WDR59: variants seen among roughly 807,000 people sequenced by gnomAD.
WDR59 encodes the protein GATOR2 complex protein WDR59.
Under a neutral mutation model 131.2 loss-of-function variants are expected in WDR59, and 100 were observed. The ratio of observed to expected loss-of-function variants is 0.76; its 90% CI spans 0.65 to 0.90. The LOEUF (loss-of-function observed/expected upper bound fraction) is 0.90. Among genes scored for constraint, WDR59 ranks in the 40% least tolerant of loss-of-function variants. The probability of loss-of-function intolerance (pLI) is 0.00; values close to 1 mark genes in which losing one functional copy is unlikely to be tolerated. For synonymous variants in WDR59, 601 were observed against 466.2 expected (o/e 1.29, Z -3.72); for missense variants, 1,203 against 1,262.2 (o/e 0.95, Z 0.71).
At chr16:74,917,196 A>G (rs1357849466) in intron 11 of WDR59, among the ~76,000 whole-genome samples, 1 of 152,242 alleles carries the variant, frequency 6.6e-6, no homozygotes, top group African/African-American at 2.4e-5. Flanking sequence ...TGTGTGGTTC[A>G]TGTAAGAAAC....
chr16:74,970,163 T>A (rs1042485759), intron 1 of WDR59, among the ~76,000 whole-genome samples: 2 of 152,096 alleles, frequency 1.3e-5, no homozygotes, highest in African/African-American at 4.8e-5. Context: ...TTCCCTATTG[T>A]TAATTTTTGT....
At chr16:74,917,418 T>A (rs1966444478) in intron 11 of WDR59, among the ~76,000 whole-genome samples, 1 of 152,218 alleles carries the variant, frequency 6.6e-6, no homozygotes, top group Non-Finnish European at 1.5e-5. Context: ...AGAGGCTCTC[T>A]GGCCTTAAAG....
At chr16:74,909,166 G>C (rs1416161574) in intron 16 of WDR59, among the ~76,000 whole-genome samples, 189 bp from the exon 17 acceptor site, 1 of 152,150 alleles carries the variant, frequency 6.6e-6, no homozygotes, top group Non-Finnish European at 1.5e-5. Context: ...GGATCCAGGA[G>C]AGAGGATGTA....
chr16:74,934,074 T>C (rs184368777), intron 8 of WDR59, among the ~76,000 whole-genome samples: 68 of 151,718 alleles, frequency 4.5e-4, no homozygotes, highest in African/African-American at 9.0e-4. Flanking sequence ...TTAGATATGC[T>C]TGTCATTCTG....
intron 18 of WDR59, among the ~76,000 whole-genome samples, chr16:74,897,142 C>T (rs1376198339): frequency 6.6e-6 from 1 of 152,240 alleles, no homozygotes; most frequent in Non-Finnish European, 1.5e-5. Context: ...TCCAGCTCCA[C>T]CCTTCTACGA....
chr16:74,906,843 C>G (rs148184182), intron 17 of WDR59, among the ~76,000 whole-genome samples: 15 of 152,150 alleles, frequency 9.9e-5, no homozygotes, highest in Admixed American at 3.9e-4. Flanking sequence ...TGCTGAAGGG[C>G]GGGGAAAAGG....
rs890997322 is a variant in WDR59 at position 74,912,421 on chromosome 16, A to T, written c.1225-59T>A. 1.9e-6 allele frequency: 3 copies of T among 1,560,406 alleles called. No individual in the cohort carries two copies. The African/African-American group carries it at 4.1e-5, about 21-fold the overall frequency. On this transcript the variant is annotated intron_variant, in intron 13 of 25. Transcript: ENST00000262144. ...CAAACCATAAAGCGTCTTTCGATGCAAGCACATTTAACTGAACGCTCCATG... is the reference window on the plus strand; with the variant it reads ...CAAACCATAAAGCGTCTTTCGATGCTAGCACATTTAACTGAACGCTCCATG...
chr16:74,977,239 CA>C (rs971630589), intron 1 of WDR59, among the ~76,000 whole-genome samples: 10 of 144,644 alleles, frequency 6.9e-5, no homozygotes, highest in Admixed American at 4.2e-4. Flanking sequence ...GATCGCATCT[CA>C]AAAAAAAAAT....
At chr16:74,912,828 G>C (rs1285895025) in intron 13 of WDR59, among the ~76,000 whole-genome samples, 1 of 152,196 alleles carries the variant, frequency 6.6e-6, no homozygotes, top group African/African-American at 2.4e-5. Flanking sequence ...TGAAATAAAG[G>C]GATGGGCTGT....
chr16:74,880,154 T>C (rs1341931231), intron 25 of WDR59, among the ~76,000 whole-genome samples: 1 of 152,064 alleles, frequency 6.6e-6, no homozygotes, highest in Non-Finnish European at 1.5e-5. Context: ...TCATTTAAAT[T>C]AGGTATGATA....
At chr16:74,917,828 AAAAAT>A in intron 11 of WDR59, 96 bp downstream of exon 11, 2 of 1,035,064 alleles carry the variant, frequency 1.9e-6, no homozygotes, top group Non-Finnish European at 2.8e-6. Flanking sequence ...AAAAAAAAAA[AAAAAT>A]TGTTTATCCT....
At chr16:74,983,160 CAA>C (rs1442938423) in intron 1 of WDR59, among the ~76,000 whole-genome samples, 3 of 151,878 alleles carry the variant, frequency 2.0e-5, no homozygotes, top group African/African-American at 7.3e-5. Flanking sequence ...CTGGGCAACA[CAA>C]AGAGACTCTG....
chr16:74,892,417 T>C (rs905290004), intron 20 of WDR59, 67 bp downstream of exon 20: 51 of 1,319,330 alleles, frequency 3.9e-5, no homozygotes, highest in Non-Finnish European at 5.5e-5. Flanking sequence ...TAAATGCCAA[T>C]GACAAAGTAA....
intron 10 of WDR59, among the ~76,000 whole-genome samples, chr16:74,921,631 T>G (rs1313872849): frequency 6.6e-6 from 1 of 152,236 alleles, no homozygotes; most frequent in Non-Finnish European, 1.5e-5. Flanking sequence ...CCTGGACTTC[T>G]GAGCCCAGAG....
chr16:74,979,920 C>T (rs1312638568), intron 1 of WDR59, among the ~76,000 whole-genome samples: 1 of 145,326 alleles, frequency 6.9e-6, no homozygotes, highest in Non-Finnish European at 1.5e-5. Context: ...GTGATCTCAG[C>T]TCACCACAAC....
intron 17 of WDR59, among the ~76,000 whole-genome samples, chr16:74,907,959 G>A (rs1965900016): frequency 1.3e-5 from 2 of 152,168 alleles, no homozygotes; most frequent in Admixed American, 6.5e-5. Context: ...ATCTGGGCAC[G>A]TTGGCTCTGA....
intron 4 of WDR59, among the ~76,000 whole-genome samples, chr16:74,951,215 T>C (rs551579403): frequency 1.3e-5 from 2 of 148,972 alleles, no homozygotes; most frequent in South Asian, 2.1e-4. Context: ...GACTGGACTA[T>C]ATCCATCCGG....
intron 8 of WDR59, chr16:74,930,882 G>C (rs2031315830): frequency 1.0e-5 from 1 of 99,602 alleles, no homozygotes; most frequent in African/African-American, 4.2e-5. Flanking sequence ...GACAGAGAGA[G>C]ACTCCATCTC....
chr16:74,899,767 A>C, intron 18 of WDR59: 4 of 1,289,020 alleles, frequency 3.1e-6, no homozygotes, highest in Non-Finnish European at 4.0e-6. Context: ...GTGCATGAAA[A>C]CGTTACACCC....
Sources: gnomAD v4.1 joint callset for allele counts (sites outside exome capture counted in the v4.1 genomes callset) on GRCh38, gnomAD v4.1.1 for gene constraint, MANE v1.5 for transcripts, NCBI Gene and HGNC (gene_info 2026-07-23, HGNC 2026-07-21) for gene names.